Variants in SIAH3 observed in about 807,000 individuals in gnomAD.
SIAH3 encodes the protein siah E3 ubiquitin protein ligase family member 3.
A neutral mutation model predicts 12.6 loss-of-function variants in SIAH3; 9 were observed. The observed-to-expected ratio is 0.72, with a 90% CI of 0.43 to 1.25. The LOEUF (loss-of-function observed/expected upper bound fraction) is 1.25. SIAH3 is among the 50% of genes most tolerant of loss of function. The pLI is 0.00. For synonymous variants in SIAH3, 154 were observed against 151.1 expected (o/e 1.02, Z -0.14); for missense variants, 390 against 365.4 (o/e 1.07, Z -0.55).
chr13:45,829,715 C>T (rs1027591157), intron 1 of SIAH3, among the ~76,000 whole-genome samples: 3 of 152,208 alleles, frequency 2.0e-5, no homozygotes, highest in Admixed American at 6.5e-5. Context: ...ACATCTATCT[C>T]CATCAATTAG....
At chr13:45,806,119 A>G (rs1293903009) in intron 1 of SIAH3, among the ~76,000 whole-genome samples, 1 of 152,122 alleles carries the variant, frequency 6.6e-6, no homozygotes, top group Non-Finnish European at 1.5e-5. Flanking sequence ...CTGTTGGTGG[A>G]AATGTAAATT....
At position 45,783,970 on chromosome 13, in the gene SIAH3, G is replaced by A. The variant is rs776554014; in HGVS notation, c.223C>T (p.His75Tyr). 8.7e-6 allele frequency: 14 copies of A among 1,604,646 alleles called. No homozygotes were observed. The highest frequency in any genetic ancestry group is 1.2e-5 in the Non-Finnish European group (14 of 1,176,272). ...PHHLSHHHCH[H>Y]RHHHHLRHHA... ...TGGCGGAGGTGGTGGTGGTGGCGGT[G>A]GTGGCAGTGGTGGTGGGAGAGATGG... Residue 75 changes from histidine (H) to tyrosine (Y), a missense_variant, in exon 2 of 2, where the codon CAC becomes TAC. Coordinates refer to ENST00000400405, the MANE Select transcript of SIAH3 (RefSeq NM_198849.3).
At chr13:45,848,942 C>T (rs780744504) in intron 1 of SIAH3, among the ~76,000 whole-genome samples, 24 of 152,168 alleles carry the variant, frequency 1.6e-4, no homozygotes, top group South Asian at 6.2e-4. Flanking sequence ...CAGCTTATTA[C>T]GTCCAAGGCA....
intron 1 of SIAH3, among the ~76,000 whole-genome samples, chr13:45,799,940 A>AT (rs1950575829): frequency 6.6e-6 from 1 of 152,120 alleles, no homozygotes; most frequent in Non-Finnish European, 1.5e-5. Flanking sequence ...AGCATGGGTG[A>AT]TTTTTCCCAT....
At chr13:45,802,626 C>T (rs574377392) in intron 1 of SIAH3, among the ~76,000 whole-genome samples, 20 of 152,302 alleles carry the variant, frequency 1.3e-4, no homozygotes, top group South Asian at 6.2e-4. Context: ...TGGGGACACT[C>T]TGGGATAATG....
chr13:45,843,476 G>A (rs943359358), intron 1 of SIAH3, among the ~76,000 whole-genome samples: 3 of 152,146 alleles, frequency 2.0e-5, no homozygotes, highest in Non-Finnish European at 4.4e-5. Flanking sequence ...AAGTTTTCAG[G>A]ATGAGCAGAG....
chr13:45,846,183 G>A (rs956407531), intron 1 of SIAH3, among the ~76,000 whole-genome samples: 4 of 137,390 alleles, frequency 2.9e-5, no homozygotes, highest in African/African-American at 1.1e-4. Flanking sequence ...TCTGCCTCCC[G>A]GGTTCAAGCG....
rs759950501 is a variant in SIAH3 at position 45,783,798 on chromosome 13, C to G, written c.395G>C (p.Arg132Thr). Residue 132 changes from arginine to threonine, a missense_variant, in exon 2 of 2, where the codon AGG becomes ACG. Transcript: ENST00000400405. ...VVVPHLRQIH[R>T]VDILQGAEIV... The stretch of plus-strand genomic sequence containing the variant: ...CTCGGCTCCCTGGAGGATGTCAACC[C>G]TATGGATCTGCCGCAGGTGGGGCAC... 3 of 1,614,228 alleles carry G rather than the reference C, an allele frequency of 1.9e-6. 1 individual carries two copies. The South Asian group carries it at 3.3e-5, about 18-fold the overall frequency.
intron 1 of SIAH3, among the ~76,000 whole-genome samples, chr13:45,784,537 C>G (rs915413723): frequency 6.6e-5 from 10 of 151,322 alleles, no homozygotes; most frequent in Non-Finnish European, 1.2e-4. Context: ...CCCATTTGTC[C>G]TTCCAGTGTA....
At chr13:45,791,478 C>T (rs1341351271) in intron 1 of SIAH3, among the ~76,000 whole-genome samples, 3 of 152,158 alleles carry the variant, frequency 2.0e-5, no homozygotes, top group African/African-American at 7.2e-5. Context: ...TCTACCCTTC[C>T]ATCTCAGGTG....
rs138826693 is a variant in SIAH3 at position 45,837,070 on chromosome 13, C to T, written c.135+14425G>A. Among the ~76,000 whole-genome samples the T allele has an allele frequency of 1.2e-3, 186 of 152,304 alleles. 1 individual carries two copies. Among genetic ancestry groups the T allele is most frequent in the African/African-American group, 4.3e-3 (180 of 41,566 alleles). On this transcript the variant is annotated intron_variant, in intron 1 of 1. Coordinates refer to ENST00000400405, the MANE Select transcript of SIAH3 (RefSeq NM_198849.3). ...TTCACATCTGTCTGGATTTGTGTCC[C>T]CTAGGGACACCATAACAGTGGCCTT...
intron 1 of SIAH3, among the ~76,000 whole-genome samples, chr13:45,839,712 A>G (rs1021937860): frequency 1.3e-5 from 2 of 152,056 alleles, no homozygotes; most frequent in East Asian, 1.9e-4. Flanking sequence ...CCTGCCTGTA[A>G]TCCCAGCTAC....
At chr13:45,796,835 A>T (rs940197595) in intron 1 of SIAH3, among the ~76,000 whole-genome samples, 7 of 152,210 alleles carry the variant, frequency 4.6e-5, no homozygotes, top group African/African-American at 1.7e-4. Flanking sequence ...AGCTGCTGAC[A>T]GCTCCAAGTA....
Position 45,846,592 on chromosome 13 carries a change from A to G in SIAH3, c.135+4903T>C, listed in dbSNP as rs550206833. 2.0e-5 allele frequency among the ~76,000 whole-genome samples: 3 copies of G among 152,296 alleles called. No homozygotes were observed. The South Asian group carries it at 6.2e-4, about 32-fold the overall frequency. On this transcript the variant is annotated intron_variant, in intron 1 of 1. Transcript: ENST00000400405. Reference sequence around the variant, plus strand: ...TTTTCTTGTTGTTAATTGCTAGGAAAATAATCCATCTTACCCAGGGAAGCC... The same window carrying G: ...TTTTCTTGTTGTTAATTGCTAGGAAGATAATCCATCTTACCCAGGGAAGCC...
intron 1 of SIAH3, among the ~76,000 whole-genome samples, chr13:45,839,982 G>T (rs1227982725): frequency 6.6e-6 from 1 of 152,190 alleles, no homozygotes; most frequent in East Asian, 1.9e-4. Context: ...GCTAGACCTG[G>T]TGCCATGGCT....
intron 1 of SIAH3, among the ~76,000 whole-genome samples, chr13:45,843,731 G>A (rs1950748830): frequency 6.6e-6 from 1 of 152,160 alleles, no homozygotes; most frequent in African/African-American, 2.4e-5. Flanking sequence ...AAAATACCAA[G>A]AAACAGCAAG....
intron 1 of SIAH3, among the ~76,000 whole-genome samples, chr13:45,789,401 T>TATC (rs1950538793): frequency 1.2e-5 from 1 of 80,230 alleles, no homozygotes; most frequent in African/African-American, 4.5e-5. Flanking sequence ...TCTATCTATC[T>TATC]ATCTATCTAT....
At chr13:45,845,519 A>G (rs1950756364) in intron 1 of SIAH3, among the ~76,000 whole-genome samples, 1 of 152,000 alleles carries the variant, frequency 6.6e-6, no homozygotes, top group Non-Finnish European at 1.5e-5. Flanking sequence ...TTCCCTTTTG[A>G]TCTATTTCTT....
At chr13:45,835,778 C>A (rs1298762687) in intron 1 of SIAH3, among the ~76,000 whole-genome samples, 1 of 152,152 alleles carries the variant, frequency 6.6e-6, no homozygotes, top group Non-Finnish European at 1.5e-5. Flanking sequence ...GAGGGATCTG[C>A]GGGGCTTGGG....
Sources: allele counts gnomAD v4.1 joint callset (sites outside exome capture counted in the v4.1 genomes callset), GRCh38; gene constraint gnomAD v4.1.1; transcripts MANE v1.5; gene names NCBI Gene and HGNC (gene_info 2026-07-23, HGNC 2026-07-21).